AUTS2: variants seen among roughly 807,000 people sequenced by gnomAD.
The protein encoded by AUTS2 is activator of transcription and developmental regulator AUTS2.
AUTS2 carries 17 observed loss-of-function variants against 112.4 expected under a neutral mutation model. That is an observed-to-expected ratio of 0.15 (90% CI 0.10 to 0.23). The LOEUF (loss-of-function observed/expected upper bound fraction) is 0.23. Ranked by LOEUF, AUTS2 falls within the 10% of genes least tolerant of loss-of-function variation. The probability of loss-of-function intolerance (pLI) is 1.00; values close to 1 mark genes in which losing one functional copy is unlikely to be tolerated. For missense variants in AUTS2, 1,510 were observed against 1,701.6 expected (o/e 0.89, Z 1.98); for synonymous variants, 751 against 702.7 (o/e 1.07, Z -1.09).
At chr7:70,006,112 A>G (rs932447706) in intron 2 of AUTS2, among the ~76,000 whole-genome samples, 1 of 152,130 alleles carries the variant, frequency 6.6e-6, no homozygotes, top group African/African-American at 2.4e-5. Flanking sequence ...TCCTCAGAAC[A>G]TTGCTCATTG....
At chr7:70,516,518 C>G (rs748121053) in intron 5 of AUTS2, among the ~76,000 whole-genome samples, 11 of 152,186 alleles carry the variant, frequency 7.2e-5, no homozygotes, top group Non-Finnish European at 1.5e-4. Context: ...GAGTCTGAGC[C>G]AAGCATGAAT....
At chr7:70,425,037 G>A (rs1795375922) in intron 4 of AUTS2, among the ~76,000 whole-genome samples, 1 of 152,152 alleles carries the variant, frequency 6.6e-6, no homozygotes, top group Admixed American at 6.5e-5. Flanking sequence ...GGGCTGCCCT[G>A]CCATCATGGA....
intron 1 of AUTS2, among the ~76,000 whole-genome samples, chr7:69,742,515 T>G (rs975976259): frequency 6.6e-6 from 1 of 152,178 alleles, no homozygotes; most frequent in Admixed American, 6.5e-5. Flanking sequence ...AATGCAGGCT[T>G]GGTTGGGATG....
chr7:70,624,716 C>T (rs974290753), intron 5 of AUTS2, among the ~76,000 whole-genome samples: 3 of 152,212 alleles, frequency 2.0e-5, no homozygotes, highest in South Asian at 2.1e-4. Context: ...CTGTGCCCCG[C>T]GTGGGAAGGC....
At chr7:70,560,308 A>G (rs191900939) in intron 5 of AUTS2, among the ~76,000 whole-genome samples, 1 of 152,260 alleles carries the variant, frequency 6.6e-6, no homozygotes, top group Non-Finnish European at 1.5e-5. Context: ...CCACACATCC[A>G]TATACATCTA....
chr7:70,605,691 T>C (rs1374980381), intron 5 of AUTS2, among the ~76,000 whole-genome samples: 2 of 151,966 alleles, frequency 1.3e-5, no homozygotes, highest in African/African-American at 4.8e-5. Context: ...CCATAAAAGG[T>C]GTTGAAGTCA....
At chr7:70,004,483 T>C (rs1799450242) in intron 2 of AUTS2, among the ~76,000 whole-genome samples, 1 of 146,814 alleles carries the variant, frequency 6.8e-6, no homozygotes, top group Non-Finnish European at 1.5e-5. Context: ...AAAAGGCAAG[T>C]TGCTTGCTCA....
intron 2 of AUTS2, among the ~76,000 whole-genome samples, chr7:69,933,629 T>C (rs1796304058): frequency 6.6e-6 from 1 of 152,190 alleles, no homozygotes; most frequent in Non-Finnish European, 1.5e-5. Flanking sequence ...AGTTTTGCTA[T>C]CCACTTGCCA....
At chr7:70,500,013 C>G (rs993446583) in intron 5 of AUTS2, among the ~76,000 whole-genome samples, 1 of 152,108 alleles carries the variant, frequency 6.6e-6, no homozygotes, top group Non-Finnish European at 1.5e-5. Context: ...TAGCTCAAGA[C>G]ACGATGTCCT....
chr7:70,698,021 A>G (rs56263157), intron 5 of AUTS2, among the ~76,000 whole-genome samples: 17,169 of 152,210 alleles, frequency 0.11, 1,154 homozygotes, highest in African/African-American at 0.18. Flanking sequence ...GCCGGCTTGC[A>G]TCTTTTTGAA....
At chr7:69,910,934 C>A (rs1217841690) in intron 2 of AUTS2, among the ~76,000 whole-genome samples, 2 of 152,212 alleles carry the variant, frequency 1.3e-5, no homozygotes. Context: ...CCTGAAACTC[C>A]TGTTTTTAAA....
chr7:70,426,973 G>C (rs1028826775), intron 4 of AUTS2, among the ~76,000 whole-genome samples: 2 of 150,002 alleles, frequency 1.3e-5, no homozygotes, highest in Non-Finnish European at 2.9e-5. Flanking sequence ...CCCAGCATCA[G>C]TTGAAGCAAA....
intron 4 of AUTS2, among the ~76,000 whole-genome samples, chr7:70,207,854 A>G (rs1308987350): frequency 6.6e-6 from 1 of 151,952 alleles, no homozygotes; most frequent in African/African-American, 2.4e-5. Flanking sequence ...TCTACTAAAT[A>G]TAAAAAATTA....
intron 5 of AUTS2, among the ~76,000 whole-genome samples, chr7:70,440,459 C>T (rs908144086): frequency 2.0e-5 from 3 of 151,942 alleles, no homozygotes; most frequent in African/African-American, 7.2e-5. Flanking sequence ...GTGCCTGGTC[C>T]ATAGTAACTG....
chr7:69,639,252 T>C (rs1232558673), intron 1 of AUTS2, among the ~76,000 whole-genome samples: 4 of 152,208 alleles, frequency 2.6e-5, no homozygotes, highest in East Asian at 1.9e-4. Flanking sequence ...AGAGTACTTA[T>C]CTATTTTATG....
At chr7:69,877,749 A>G (rs896598867) in intron 1 of AUTS2, among the ~76,000 whole-genome samples, 2 of 152,174 alleles carry the variant, frequency 1.3e-5, no homozygotes, top group Non-Finnish European at 1.5e-5. Context: ...CTTAGGAGAA[A>G]AACACATTTA....
At chr7:70,781,540 A>G (rs996581672) in intron 14 of AUTS2, 75 bp from the exon 15 acceptor site, 7 of 1,549,328 alleles carry the variant, frequency 4.5e-6, no homozygotes, top group Non-Finnish European at 6.1e-6. Flanking sequence ...CACAGTCTCC[A>G]GCTCCAGCTC....
At chr7:70,591,645 C>T (rs567731089) in intron 5 of AUTS2, among the ~76,000 whole-genome samples, 1 of 152,266 alleles carries the variant, frequency 6.6e-6, no homozygotes, top group East Asian at 1.9e-4. Flanking sequence ...GTGATTCTCC[C>T]GCCTCAGCCT....
At chr7:70,736,979 A>G (rs1787814547) in intron 6 of AUTS2, among the ~76,000 whole-genome samples, 1 of 152,214 alleles carries the variant, frequency 6.6e-6, no homozygotes, top group African/African-American at 2.4e-5. Flanking sequence ...GGTTAACAAC[A>G]GAAGGGATCA....
Sources: allele counts gnomAD v4.1 joint callset (sites outside exome capture counted in the v4.1 genomes callset), GRCh38; gene constraint gnomAD v4.1.1; transcripts MANE v1.5; gene names NCBI Gene and HGNC (gene_info 2026-07-23, HGNC 2026-07-21).